MYO5B: variants seen among roughly 807,000 people sequenced by gnomAD.
MYO5B encodes myosin VB, also known as unconventional myosin-Vb.
In MYO5B, 143 loss-of-function variants were observed where a neutral mutation model predicts 229.3. That is an observed-to-expected ratio of 0.62 (90% CI 0.54 to 0.72). MYO5B has a LOEUF of 0.72. MYO5B is among the 30% of genes least tolerant of loss of function. The probability of loss-of-function intolerance (pLI) is 0.00; values close to 1 mark genes in which losing one functional copy is unlikely to be tolerated. For missense variants in MYO5B, 2,321 were observed against 2,331.0 expected (o/e 1.00, Z 0.09); for synonymous variants, 918 against 885.2 (o/e 1.04, Z -0.66).
intron 1 of MYO5B, among the ~76,000 whole-genome samples, chr18:50,187,108 A>C (rs1377493309): frequency 1.3e-5 from 2 of 152,196 alleles, no homozygotes; most frequent in Non-Finnish European, 2.9e-5. Flanking sequence ...AAAATCAAGA[A>C]TTATCCCTGC....
At chr18:50,128,459 G>A (rs1172783808) in intron 1 of MYO5B, among the ~76,000 whole-genome samples, 1 of 152,196 alleles carries the variant, frequency 6.6e-6, no homozygotes, top group Non-Finnish European at 1.5e-5. Context: ...TAGGAGAAGT[G>A]ATCCCACATG....
chr18:49,888,214 TCAG>T (rs1401933225), intron 22 of MYO5B, among the ~76,000 whole-genome samples: 1 of 152,106 alleles, frequency 6.6e-6, no homozygotes, highest in African/African-American at 2.4e-5. Flanking sequence ...TACTGGGTGT[TCAG>T]CAGCATCCCT....
At chr18:50,002,766 C>A (rs1192342260) in intron 4 of MYO5B, among the ~76,000 whole-genome samples, 1 of 152,168 alleles carries the variant, frequency 6.6e-6, no homozygotes, top group African/African-American at 2.4e-5. Context: ...AAACTGGAAG[C>A]AACTTAGCTC....
chr18:49,965,712 T>C (rs2025617356), intron 10 of MYO5B, among the ~76,000 whole-genome samples: 2 of 152,134 alleles, frequency 1.3e-5, no homozygotes, highest in African/African-American at 2.4e-5. Flanking sequence ...GCAGAGGCAG[T>C]GTGTGAACCC....
chr18:50,160,981 C>T (rs1386459629), intron 1 of MYO5B, among the ~76,000 whole-genome samples: 1 of 152,206 alleles, frequency 6.6e-6, no homozygotes, highest in African/African-American at 2.4e-5. Context: ...CCCGCCCTGT[C>T]CTGGGCTCTC....
chr18:49,983,016 G>A (rs563695643), intron 8 of MYO5B, among the ~76,000 whole-genome samples: 1 of 152,254 alleles, frequency 6.6e-6, no homozygotes, highest in South Asian at 2.1e-4. Flanking sequence ...TAAATTCAGA[G>A]AAGAATGTAT....
chr18:49,877,472 T>C (rs2024539282), intron 25 of MYO5B, among the ~76,000 whole-genome samples: 1 of 151,580 alleles, frequency 6.6e-6, no homozygotes, highest in Admixed American at 6.6e-5. Flanking sequence ...ATTTCACCTC[T>C]CTGCATCAGC....
chr18:49,844,261 G>T (rs2282627), intron 33 of MYO5B, among the ~76,000 whole-genome samples: 111 of 152,312 alleles, frequency 7.3e-4, no homozygotes, highest in Non-Finnish European at 4.4e-4. Flanking sequence ...ACAGGTGGTG[G>T]TAGAAGGCCA....
chr18:50,173,520 G>C lies in MYO5B; in HGVS notation c.27+21247C>G, dbSNP rs546603158. 2.6e-5 allele frequency among the ~76,000 whole-genome samples: 4 copies of C among 152,318 alleles called. No homozygotes were observed. The South Asian group carries it at 8.3e-4, about 32-fold the overall frequency. On this transcript the variant is annotated intron_variant, in intron 1 of 39. Transcript: ENST00000285039. ...CAGAGAACAGACTGGAAGGAGACAA[G>C]GGAAGATGAAGGGAGTCAGTTGGAA...
intron 17 of MYO5B, among the ~76,000 whole-genome samples, chr18:49,926,128 A>C (rs972086126): frequency 6.6e-6 from 1 of 152,184 alleles, no homozygotes; most frequent in Non-Finnish European, 1.5e-5. Flanking sequence ...ACAGCCTTCA[A>C]CCTAGCTAGA....
At chr18:49,946,710 T>C (rs906979659) in intron 14 of MYO5B, among the ~76,000 whole-genome samples, 1 of 152,206 alleles carries the variant, frequency 6.6e-6, no homozygotes, top group East Asian at 1.9e-4. Flanking sequence ...AGAATTTGTA[T>C]GTTATTTGAA....
At chr18:50,074,437 A>G (rs781445804) in intron 1 of MYO5B, among the ~76,000 whole-genome samples, 15 of 152,166 alleles carry the variant, frequency 9.9e-5, no homozygotes, top group Admixed American at 2.0e-4. Context: ...CCTGCTTAAA[A>G]TCTTCCACTG....
Position 50,035,917 on chromosome 18 carries a change from G to A in MYO5B, c.455+933C>T, listed in dbSNP as rs75267834. Among the ~76,000 whole-genome samples the A allele has an allele frequency of 9.2e-3, 1,400 of 152,118 alleles. 19 individuals carry two copies. Among genetic ancestry groups the A allele is most frequent in the African/African-American group, 0.031 (1,296 of 41,478 alleles). ...GCAATAAAGCACTATAAATCTGCAA[G>A]GATGCCCATAAAACAGTCTTCCCTC... is the stretch of plus-strand genomic sequence containing the variant. On this transcript the variant is annotated intron_variant, in intron 4 of 39. Coordinates refer to ENST00000285039, the MANE Select transcript of MYO5B (RefSeq NM_001080467.3).
At chr18:50,043,073 C>T (rs2030069812) in intron 2 of MYO5B, among the ~76,000 whole-genome samples, 1 of 151,220 alleles carries the variant, frequency 6.6e-6, no homozygotes. Flanking sequence ...CTAGCAAACC[C>T]ACTATTGTGT....
In MYO5B at chr18:50,194,915, T is replaced by C. The variant is rs893341000; in HGVS notation, c.-122A>G. ...TGGAGTTTCTCGATCTTCTCGCTCT[T>C]CTCCGACCTGCCCCGCCGGCTTCCC... is the stretch of plus-strand genomic sequence containing the variant. On this transcript the variant is annotated 5_prime_UTR_variant, in exon 1 of 40. Transcript: ENST00000285039. 34 of 1,195,148 alleles carry C rather than the reference T, an allele frequency of 2.8e-5. No homozygotes were observed. Among genetic ancestry groups the C allele is most frequent in the Non-Finnish European group, 3.3e-5 (32 of 961,364 alleles). The allele number at this position is 1,195,148 out of a possible 1,614,324, so 74.0% of individuals were successfully genotyped here.
intron 14 of MYO5B, among the ~76,000 whole-genome samples, chr18:49,950,330 T>C (rs972200013): frequency 3.9e-5 from 6 of 152,128 alleles, no homozygotes; most frequent in Admixed American, 6.6e-5. Context: ...GAGGAGGAAG[T>C]TGCATTTCAA....
chr18:49,868,137 T>C (rs1407052990), intron 27 of MYO5B, among the ~76,000 whole-genome samples: 1 of 152,108 alleles, frequency 6.6e-6, no homozygotes, highest in Non-Finnish European at 1.5e-5. Context: ...AATATGCATA[T>C]AAAAAGCATT....
chr18:50,006,594 C>G (rs535425623), intron 4 of MYO5B, among the ~76,000 whole-genome samples: 1 of 152,314 alleles, frequency 6.6e-6, no homozygotes, highest in Admixed American at 6.5e-5. Flanking sequence ...TCACACTGGC[C>G]CCCCCTTCTG....
At chr18:50,096,432 C>A (rs111982250) in intron 1 of MYO5B, among the ~76,000 whole-genome samples, 10 of 152,204 alleles carry the variant, frequency 6.6e-5, no homozygotes, top group African/African-American at 2.4e-4. Flanking sequence ...TTGCCTTCAG[C>A]CTCTCCCCCC....
Sources: gnomAD v4.1 joint callset for allele counts (sites outside exome capture counted in the v4.1 genomes callset) on GRCh38, gnomAD v4.1.1 for gene constraint, MANE v1.5 for transcripts, NCBI Gene and HGNC (gene_info 2026-07-23, HGNC 2026-07-21) for gene names.